The following ULBP3 variants were observed in gnomAD, a reference collection of about 807,000 sequenced individuals.
ULBP3 encodes UL16 binding protein 3, also known as UL16-binding protein 3.
A neutral mutation model predicts 24.9 loss-of-function variants in ULBP3; 25 were observed. The observed-to-expected ratio is 1.00, with a 90% CI of 0.73 to 1.40. The LOEUF (loss-of-function observed/expected upper bound fraction) is 1.40, where lower values mean the gene tolerates loss of function less well. Among genes scored for constraint, ULBP3 ranks in the 40% most tolerant of loss-of-function variants. ULBP3 has a pLI of 0.00. For missense variants in ULBP3, 306 were observed against 307.5 expected (o/e 1.00, Z 0.04); for synonymous variants, 114 against 114.7 (o/e 0.99, Z 0.04).
At position 150,063,330 on chromosome 6, in the gene ULBP3, G is replaced by C; in HGVS notation, c.*44C>G. The C allele has an allele frequency of 1.0e-6, 1 of 977,628 alleles. No individual in the cohort carries two copies. The highest frequency in any genetic ancestry group is 1.2e-6 in the Non-Finnish European group (1 of 822,888). The allele number at this position is 977,628 out of a possible 1,614,324, so 60.6% of individuals were successfully genotyped here. On this transcript the variant is annotated 3_prime_UTR_variant, in exon 5 of 5. Transcript: ENST00000367339. ...CAGGAACCAGACCAGGCTAACAGAGGCTTCTTGATATCACCTTCCACCTTG... is the reference window on the plus strand; with the variant it reads ...CAGGAACCAGACCAGGCTAACAGAGCCTTCTTGATATCACCTTCCACCTTG...
At position 150,065,952 on chromosome 6, in the gene ULBP3, T is replaced by C; in HGVS notation, c.299A>G (p.Gln100Arg). The change falls in exon 2 of 5, where the codon CAG becomes CGG. Residue 100 changes from glutamine to arginine, a missense_variant. Transcript: ENST00000367339. ...KQLEMLREVG[Q>R]RLRLELADTE... ...GTCAGCCAGTTCCAGTCTGAGCCTC[T>C]GCCCCACCTCTCTCAGCATTTCCAG... The C allele has an allele frequency of 1.2e-6, 2 of 1,614,236 alleles. No homozygotes were observed. Among genetic ancestry groups the C allele is most frequent in the South Asian group, 1.1e-5 (1 of 91,088 alleles).
rs546843866 is a variant in ULBP3, at chr6:150,066,168, GAA to G, written c.89-8_89-7del. ...ATACCAGAGAGAGTGAGCGTCTAAG[GAA>G]AAAAAAAAAAAACACCAGAGAGTGT... On this transcript the variant is annotated splice_polypyrimidine_tract_variant and splice_region_variant and intron_variant, in intron 1 of 4. Coordinates refer to ENST00000367339, the MANE Select transcript of ULBP3 (RefSeq NM_024518.3). The G allele has an allele frequency of 7.8e-6, 12 of 1,543,228 alleles. No individual in the cohort carries two copies. The highest frequency in any genetic ancestry group is 1.8e-5 in the Admixed American group (1 of 56,216).
At chr6:150,068,948 C>A (rs1441282679) in intron 1 of ULBP3, 31 bp downstream of exon 1, 1 of 1,569,484 alleles carries the variant, frequency 6.4e-7, no homozygotes, top group South Asian at 1.2e-5. Flanking sequence ...GTTTGGCCCC[C>A]GCCCCGCTTA....
Position 150,064,662 on chromosome 6 carries a change from G to T in ULBP3, c.680C>A (p.Thr227Asn). The change falls in exon 4 of 5, where the codon ACC becomes AAC. Residue 227 changes from threonine to asparagine, a missense_variant. Thr to Asn is a moderately conservative substitution (Grantham distance 65). Transcript: ENST00000367339. ...GLAQPKAIATTLSPWSFLIIL... is the reference protein window; with the variant it reads ...GLAQPKAIATNLSPWSFLIIL... ...GATGAGGAAGCTCCAGGGACTGAGG[G>T]TGGTGGCTATGGCTTTGGGTTGAGC... 1 of 1,614,170 alleles carries T rather than the reference G, an allele frequency of 6.2e-7. No individual in the cohort carries two copies. Among genetic ancestry groups the T allele is most frequent in the Non-Finnish European group, 8.5e-7 (1 of 1,179,994 alleles).
intron 3 of ULBP3, 69 bp from the exon 4 acceptor site, chr6:150,064,782 C>G: frequency 6.6e-7 from 1 of 1,508,794 alleles, no homozygotes; most frequent in Non-Finnish European, 9.1e-7. Flanking sequence ...CTCCTTAGCT[C>G]CTGCTACCCC....
chr6:150,062,868 C>T lies in ULBP3; in HGVS notation c.*506G>A, dbSNP rs190131358. ...CTGTAATCCCAGCACTCTGGGAGGC[C>T]GAGGCAGGTGGATCATGAGGTCAGG... On this transcript the variant is annotated 3_prime_UTR_variant, in exon 5 of 5. Transcript: ENST00000367339. 3.5e-3 allele frequency among the ~76,000 whole-genome samples: 531 copies of T among 151,280 alleles called. 4 individuals carry two copies. Among genetic ancestry groups the T allele is most frequent in the African/African-American group, 0.012 (514 of 41,224 alleles).
intron 2 of ULBP3, 98 bp from the exon 3 acceptor site, chr6:150,065,771 T>C (rs780740853): frequency 1.3e-6 from 2 of 1,580,862 alleles, no homozygotes; most frequent in Non-Finnish European, 1.7e-6. Flanking sequence ...GGTCCTGTTG[T>C]CTCCTCCAAG....
rs1022357514 is a variant in ULBP3 at position 150,061,180 on chromosome 6, G to A, written c.*2194C>T. On this transcript the variant is annotated 3_prime_UTR_variant, in exon 5 of 5. Coordinates refer to ENST00000367339, the MANE Select transcript of ULBP3 (RefSeq NM_024518.3). ...AGTTTAGTTTTTGATCTGGGTTAGC[G>A]TTCATAGTGCAAAGTTCTCTCGTTC... Among the ~76,000 whole-genome samples, 8 of 152,022 alleles carry A rather than the reference G, an allele frequency of 5.3e-5. No homozygotes were observed. The highest frequency in any genetic ancestry group is 1.9e-4 in the East Asian group (1 of 5,200).
rs1451540227 is a variant in ULBP3 at position 150,062,964 on chromosome 6, C to G, written c.*410G>C. Among the ~76,000 whole-genome samples the G allele has an allele frequency of 1.3e-5, 2 of 151,052 alleles. No individual in the cohort carries two copies. Among genetic ancestry groups the G allele is most frequent in the African/African-American group, 4.9e-5 (2 of 41,058 alleles). On this transcript the variant is annotated 3_prime_UTR_variant, in exon 5 of 5. Transcript: ENST00000367339. ...AAAAATACAAAAAATTAGCCGGGCG[C>G]GGTGGCGGGTGCCTGTAGTCCCAGC...
rs1776275177 is a variant in ULBP3, at chr6:150,061,658, C to T, written c.*1716G>A. ...ATTTTTTTCATTCAATTCAGTGTTG[C>T]TGGGCACTTAGGTTGATTCTGTGTC... On this transcript the variant is annotated 3_prime_UTR_variant, in exon 5 of 5. Coordinates refer to ENST00000367339, the MANE Select transcript of ULBP3 (RefSeq NM_024518.3). Among the ~76,000 whole-genome samples, 3 of 152,176 alleles carry T rather than the reference C, an allele frequency of 2.0e-5. No individual in the cohort carries two copies. The highest frequency in any genetic ancestry group is 6.5e-5 in the Admixed American group (1 of 15,282).
chr6:150,064,744 T>C, intron 3 of ULBP3, 31 bp from the exon 4 acceptor site: 1 of 1,610,370 alleles, frequency 6.2e-7, no homozygotes, highest in Non-Finnish European at 8.5e-7. Flanking sequence ...TGACAACTCT[T>C]GTCCACGCTC....
rs1226220545 is a variant in ULBP3, at chr6:150,064,613, G to C, written c.729C>G (p.Gly243=). The C allele has an allele frequency of 6.2e-7, 1 of 1,613,884 alleles. No homozygotes were observed. The highest frequency in any genetic ancestry group is 2.2e-5 in the East Asian group (1 of 44,876). The change falls in exon 4 of 5, where the codon GGC becomes GGG. Residue 243 remains glycine, a synonymous_variant. Transcript: ENST00000367339. ...TCACTCTAAATGACTCTTCTCAGAT[G>C]CCAGGGAGGATGAAGCAGAGGATGA... The part of the protein sequence containing the change: ...FLIILCFILP[G]I
intron 1 of ULBP3, among the ~76,000 whole-genome samples, chr6:150,068,184 C>A (rs894590125): frequency 2.0e-5 from 3 of 152,096 alleles, no homozygotes; most frequent in Admixed American, 1.3e-4. Flanking sequence ...CAGGGAGGGT[C>A]CCTGAATGGC....
intron 1 of ULBP3, 110 bp downstream of exon 1, chr6:150,068,869 G>A (rs1470855453): frequency 2.6e-6 from 3 of 1,166,354 alleles, no homozygotes; most frequent in African/African-American, 1.5e-5. Flanking sequence ...GGGCAGTCCG[G>A]GGAGATCGCG....
chr6:150,062,653 C>G lies in ULBP3; in HGVS notation c.*721G>C, dbSNP rs1235286880. Among the ~76,000 whole-genome samples the G allele has an allele frequency of 6.6e-6, 1 of 152,162 alleles. No individual in the cohort carries two copies. The highest frequency in any genetic ancestry group is 1.5e-5 in the Non-Finnish European group (1 of 68,030). On this transcript the variant is annotated 3_prime_UTR_variant, in exon 5 of 5. Coordinates refer to ENST00000367339, the MANE Select transcript of ULBP3 (RefSeq NM_024518.3). ...CTGCATGCTATTTTACTAGCAATAC[C>G]GTTTCGAAGAATAAGGTCATGCTTC...
At chr6:150,063,613 C>G (rs945006712) in intron 4 of ULBP3, among the ~76,000 whole-genome samples, 10 of 152,354 alleles carry the variant, frequency 6.6e-5, no homozygotes, top group South Asian at 2.1e-4. Flanking sequence ...CACCCTCACT[C>G]AGGGCCTGCT....
At chr6:150,063,952 C>A (rs1014547647) in intron 4 of ULBP3, among the ~76,000 whole-genome samples, 3 of 152,186 alleles carry the variant, frequency 2.0e-5, no homozygotes, top group Non-Finnish European at 4.4e-5. Context: ...GTGGCATCGT[C>A]CCAGGGCCTA....
chr6:150,064,825 C>G, intron 3 of ULBP3, 112 bp from the exon 4 acceptor site: 1 of 1,173,220 alleles, frequency 8.5e-7, no homozygotes, highest in Non-Finnish European at 1.2e-6. Context: ...ATTTGTCTCC[C>G]CTGCTGTGGG....
chr6:150,065,010 C>T (rs761883353), intron 3 of ULBP3, among the ~76,000 whole-genome samples: 186 of 151,934 alleles, frequency 1.2e-3, no homozygotes, highest in Non-Finnish European at 2.4e-3. Flanking sequence ...GGCTGCCATT[C>T]GAGGTGGTTT....
Sources: allele counts gnomAD v4.1 joint callset (sites outside exome capture counted in the v4.1 genomes callset), GRCh38; gene constraint gnomAD v4.1.1; transcripts MANE v1.5; gene names NCBI Gene and HGNC (gene_info 2026-07-23, HGNC 2026-07-21).